Variants in GRID1 observed in about 807,000 individuals in gnomAD.
GRID1 encodes the protein glutamate ionotropic receptor delta type subunit 1.
In GRID1, 28 loss-of-function variants were observed where a neutral mutation model predicts 98.0. The ratio of observed to expected loss-of-function variants is 0.29; its 90% CI spans 0.21 to 0.39. The LOEUF (loss-of-function observed/expected upper bound fraction) is 0.39, where lower values mean the gene tolerates loss of function less well. GRID1 is among the 10% of genes least tolerant of loss of function. GRID1 has a pLI of 1.00. For synonymous variants in GRID1, 553 were observed against 538.5 expected (o/e 1.03, Z -0.37); for missense variants, 1,111 against 1,340.5 (o/e 0.83, Z 2.67).
intron 2 of GRID1, among the ~76,000 whole-genome samples, chr10:86,356,557 C>T (rs1251305398): frequency 6.6e-6 from 1 of 152,210 alleles, no homozygotes; most frequent in Non-Finnish European, 1.5e-5. Context: ...CCCTCTGGCA[C>T]AGCAACTGGC....
chr10:85,892,592 A>C (rs1242073197), intron 5 of GRID1, among the ~76,000 whole-genome samples: 2 of 151,948 alleles, frequency 1.3e-5, no homozygotes, highest in African/African-American at 4.8e-5. Flanking sequence ...TTATACATGC[A>C]AAACTAAAGC....
At chr10:85,620,132 C>T in intron 13 of GRID1, 99 bp from the exon 14 acceptor site, 1 of 930,362 alleles carries the variant, frequency 1.1e-6, no homozygotes, top group Non-Finnish European at 1.7e-6. Context: ...GGGACCCATC[C>T]TCAATGGTCT....
Position 85,920,174 on chromosome 10 carries a change from T to C in GRID1, c.727-3935A>G, listed in dbSNP as rs575318002. ...AGTCCCCACTTCCCTGCTGTCTTTC[T>C]TTTTTTAAGTCCCCATAATTTTTAA... On this transcript the variant is annotated intron_variant, in intron 4 of 15. Transcript: ENST00000327946. Among the ~76,000 whole-genome samples, 38 of 152,010 alleles carry C rather than the reference T, an allele frequency of 2.5e-4. No homozygotes were observed. The South Asian group carries it at 7.9e-3, about 31-fold the overall frequency.
chr10:86,265,892 C>T (rs1387985985), intron 2 of GRID1, among the ~76,000 whole-genome samples: 3 of 152,162 alleles, frequency 2.0e-5, no homozygotes, highest in African/African-American at 4.8e-5. Context: ...AGTCGCTGAT[C>T]AGCAGCCCAG....
intron 14 of GRID1, 102 bp from the exon 15 acceptor site, chr10:85,613,749 A>T (rs1842759565): frequency 7.4e-7 from 1 of 1,359,454 alleles, no homozygotes; most frequent in South Asian, 1.4e-5. Context: ...CACAGACAAC[A>T]TTGAGCCATC....
chr10:85,649,107 T>C (rs1431185193), intron 12 of GRID1, among the ~76,000 whole-genome samples: 7 of 152,210 alleles, frequency 4.6e-5, no homozygotes, highest in African/African-American at 1.7e-4. Flanking sequence ...TAGTGATTAT[T>C]CTGGGTCCCC....
At chr10:85,790,434 G>T (rs1590233392) in intron 8 of GRID1, among the ~76,000 whole-genome samples, 1 of 152,234 alleles carries the variant, frequency 6.6e-6, no homozygotes, top group Non-Finnish European at 1.5e-5. Context: ...AAACAAACAA[G>T]GTCTGCATCT....
At chr10:85,915,935 GC>G (rs1361661380) in intron 5 of GRID1, among the ~76,000 whole-genome samples, 1 of 152,004 alleles carries the variant, frequency 6.6e-6, no homozygotes, top group African/African-American at 2.4e-5. Context: ...CCTCATCCCT[GC>G]CACCACTGCC....
At chr10:85,740,756 C>CT (rs34684480) in intron 8 of GRID1, among the ~76,000 whole-genome samples, 162 of 147,236 alleles carry the variant, frequency 1.1e-3, no homozygotes, top group South Asian at 4.7e-3. Context: ...ATACACTGTA[C>CT]TTTTTTTTTT....
chr10:85,754,331 G>C (rs943724080), intron 8 of GRID1, among the ~76,000 whole-genome samples: 5 of 152,182 alleles, frequency 3.3e-5, no homozygotes, highest in African/African-American at 1.2e-4. Flanking sequence ...GACAGGCACA[G>C]GTCACAGAAA....
At chr10:85,641,517 A>C (rs1244036052) in intron 13 of GRID1, among the ~76,000 whole-genome samples, 4 of 152,180 alleles carry the variant, frequency 2.6e-5, no homozygotes. Context: ...AGGTGTAGAA[A>C]AGACGAGATT....
chr10:86,109,889 C>T (rs1215085436), intron 4 of GRID1, among the ~76,000 whole-genome samples: 1 of 152,040 alleles, frequency 6.6e-6, no homozygotes, highest in Non-Finnish European at 1.5e-5. Flanking sequence ...TCAGTTACAG[C>T]ACTCCTCATA....
intron 2 of GRID1, among the ~76,000 whole-genome samples, chr10:86,211,647 A>G (rs2132023366): frequency 6.6e-6 from 1 of 152,188 alleles, no homozygotes; most frequent in South Asian, 2.1e-4. Context: ...GGTACTGGCC[A>G]CTTCACAGAA....
At chr10:85,662,279 G>A (rs950533914) in intron 12 of GRID1, among the ~76,000 whole-genome samples, 14 of 152,200 alleles carry the variant, frequency 9.2e-5, no homozygotes, top group African/African-American at 3.4e-4. Context: ...GATACCTACA[G>A]GTCTCTGTAC....
chr10:86,355,478 AG>A (rs1431908285), intron 2 of GRID1, among the ~76,000 whole-genome samples: 1 of 152,238 alleles, frequency 6.6e-6, no homozygotes, highest in Non-Finnish European at 1.5e-5. Context: ...GTGGAGGAGA[AG>A]GGGCAGCCTG....
intron 8 of GRID1, among the ~76,000 whole-genome samples, chr10:85,849,179 G>A (rs1843034766): frequency 6.6e-6 from 1 of 152,058 alleles, no homozygotes; most frequent in Non-Finnish European, 1.5e-5. Context: ...CGAGAATTTG[G>A]GGCAATTTGT....
intron 3 of GRID1, among the ~76,000 whole-genome samples, chr10:86,144,263 G>A (rs1000769551): frequency 6.6e-5 from 10 of 152,116 alleles, no homozygotes; most frequent in African/African-American, 1.7e-4. Flanking sequence ...ACCCTGCCTC[G>A]GTGAGGAGAA....
At chr10:85,827,854 A>G (rs1002798353) in intron 8 of GRID1, among the ~76,000 whole-genome samples, 2 of 152,208 alleles carry the variant, frequency 1.3e-5, no homozygotes, top group African/African-American at 4.8e-5. Context: ...TCAACAGCCC[A>G]CTTATAGTAT....
chr10:86,060,650 G>A (rs1419448576), intron 4 of GRID1, among the ~76,000 whole-genome samples: 2 of 152,184 alleles, frequency 1.3e-5, no homozygotes, highest in Non-Finnish European at 1.5e-5. Context: ...ACAGCAGGGC[G>A]CTGGCCTGGA....
Sources: allele counts gnomAD v4.1 joint callset (sites outside exome capture counted in the v4.1 genomes callset), GRCh38; gene constraint gnomAD v4.1.1; transcripts MANE v1.5; gene names NCBI Gene and HGNC (gene_info 2026-07-23, HGNC 2026-07-21).